The following PHOX2B variants were observed in gnomAD, a reference collection of about 807,000 sequenced individuals.
PHOX2B encodes the protein paired mesoderm homeobox protein 2B.
Under a neutral mutation model 15.5 loss-of-function variants are expected in PHOX2B, and 1 was observed. The ratio of observed to expected loss-of-function variants is 0.06; its 90% CI spans 0.02 to 0.31. The LOEUF is 0.31. Ranked by LOEUF, PHOX2B falls within the 10% of genes least tolerant of loss-of-function variation. The pLI is 1.00. For synonymous variants in PHOX2B, 206 were observed against 190.5 expected (o/e 1.08, Z -0.67); for missense variants, 314 against 436.4 (o/e 0.72, Z 2.50).
At position 41,744,381 on chromosome 4, in the gene PHOX2B, A is replaced by ACACG. The variant is rs1733820063; in HGVS notation, c.*1422_*1425dup. On this transcript the variant is annotated 3_prime_UTR_variant, in exon 3 of 3. Coordinates refer to ENST00000226382, the MANE Select transcript of PHOX2B (RefSeq NM_003924.4). ...GTGAGAACCTTATTACACCATAAAGACACGCCATAGAGACTACAAGAAGAG... is the reference window on the plus strand; with the variant it reads ...GTGAGAACCTTATTACACCATAAAGACACGCACGCCATAGAGACTACAAGAAGAG... The ACACG allele has an allele frequency of 4.3e-6, 1 of 230,572 alleles. No individual in the cohort carries two copies. The highest frequency in any genetic ancestry group is 1.8e-4 in the South Asian group (1 of 5,512). 14.3% of individuals were successfully genotyped at this position (230,572 alleles called of 1,614,324 possible).
chr4:41,747,100 G>T (rs893584390), intron 2 of PHOX2B, among the ~76,000 whole-genome samples: 1 of 152,130 alleles, frequency 6.6e-6, no homozygotes, highest in Non-Finnish European at 1.5e-5. Context: ...GCTCATCCAC[G>T]TCCCAAGGCC....
chr4:41,747,677 T>G (rs141487205), intron 1 of PHOX2B, 141 bp from the exon 2 acceptor site: 1 of 754,864 alleles, frequency 1.3e-6, no homozygotes, highest in East Asian at 2.6e-5. Context: ...CGAGAGAAGC[T>G]GCGGGAAGAA....
chr4:41,747,826 C>T (rs1469238302), intron 1 of PHOX2B: 1 of 605,764 alleles, frequency 1.7e-6, no homozygotes, highest in Non-Finnish European at 3.1e-6. Context: ...CAGGAAAAAA[C>T]CAGAGAGGAA....
At chr4:41,747,581 A>C in intron 1 of PHOX2B, 45 bp from the exon 2 acceptor site, 1 of 1,529,864 alleles carries the variant, frequency 6.5e-7, no homozygotes. Flanking sequence ...ATCAGCCGGC[A>C]GCTCGCCGGC....
Position 41,745,989 on chromosome 4 carries a change from CT to C in PHOX2B, c.762del (p.Ala255ArgfsTer54). ...AAAAAAAAAA[A>X]AAAAAAGGLA... is the part of the protein sequence containing the mutation. Reference sequence around the variant, plus strand: ...AGGCCTCCAGCTGCCGCCGCTGCCGCTGCCGCCGCCGCCGCTGCCGCGGCCG... The same window carrying C: ...AGGCCTCCAGCTGCCGCCGCTGCCGCGCCGCCGCCGCCGCTGCCGCGGCCG... On this transcript the variant is annotated frameshift_variant, in exon 3 of 3. Coordinates refer to ENST00000226382, the MANE Select transcript of PHOX2B (RefSeq NM_003924.4). LOFTEE classifies it high-confidence loss of function. This position sits in a 1 kb window ranked among gnomAD's most constrained non-coding sequence, Gnocchi z 4.0. The C allele has an allele frequency of 8.1e-7, 1 of 1,238,220 alleles. No homozygotes were observed. The highest frequency in any genetic ancestry group is 1.0e-6 in the Non-Finnish European group (1 of 991,878). The allele number at this position is 1,238,220 out of a possible 1,614,324, so 76.7% of individuals were successfully genotyped here. A position where few individuals can be genotyped will look rare whatever the true frequency, so the allele number is the denominator to read the frequency against.
In PHOX2B at chr4:41,745,640, C is replaced by A. The variant is rs1047417474; in HGVS notation, c.*167G>T. On this transcript the variant is annotated 3_prime_UTR_variant, in exon 3 of 3. Transcript: ENST00000226382. The surrounding 1 kb of genome is among the most constrained non-coding windows in gnomAD (Gnocchi z 4.0). ...GGTAGGAGTGGGGTTGAAATGAGGG[C>A]GACGCCGTTTTCCCTTTATTCTTAG... The A allele has an allele frequency of 5.0e-6, 4 of 806,866 alleles. No individual in the cohort carries two copies. In the South Asian group the frequency reaches 5.8e-5, roughly 12 times the overall value. The allele number at this position is 806,866 out of a possible 1,614,324, so 50.0% of individuals were successfully genotyped here. A position where few individuals can be genotyped will look rare whatever the true frequency, so the allele number is the denominator to read the frequency against.
Position 41,745,753 on chromosome 4 carries a change from C to T in PHOX2B, c.*54G>A, listed in dbSNP as rs578163582. The T allele has an allele frequency of 7.0e-6, 11 of 1,567,846 alleles. No homozygotes were observed. The highest frequency in any genetic ancestry group is 4.7e-5 in the East Asian group (2 of 43,008). On this transcript the variant is annotated 3_prime_UTR_variant, in exon 3 of 3. Transcript: ENST00000226382. The surrounding 1 kb of genome is among the most constrained non-coding windows in gnomAD (Gnocchi z 4.0). ...CTACCCGCTCGCCCACTCGCCCGCC[C>T]GGGCCCTGGCTCGCCCGCTGTCGCC...
intron 2 of PHOX2B, among the ~76,000 whole-genome samples, chr4:41,747,116 T>G (rs1329009760): frequency 6.6e-6 from 1 of 152,166 alleles, no homozygotes; most frequent in Non-Finnish European, 1.5e-5. Context: ...AGGCCCCCCA[T>G]GTCTCTGCTC....
In PHOX2B at chr4:41,744,619, A is replaced by G. The variant is rs1458453870; in HGVS notation, c.*1188T>C. On this transcript the variant is annotated 3_prime_UTR_variant, in exon 3 of 3. Coordinates refer to ENST00000226382, the MANE Select transcript of PHOX2B (RefSeq NM_003924.4). ...GCGCGAAGAATGGAACCCTCAATAT[A>G]CAGTCCATCCACCATACAGGATGTG... is the stretch of plus-strand genomic sequence containing the variant. The G allele has an allele frequency of 1.3e-5, 3 of 233,498 alleles. No individual in the cohort carries two copies. Among genetic ancestry groups the G allele is most frequent in the African/African-American group, 2.2e-5 (1 of 45,344 alleles). The allele number at this position is 233,498 out of a possible 1,614,324, so 14.5% of individuals were successfully genotyped here.
chr4:41,747,311 A>C (rs375957944), intron 2 of PHOX2B, 38 bp downstream of exon 2: 2 of 1,553,734 alleles, frequency 1.3e-6, no homozygotes, highest in South Asian at 2.2e-5. Flanking sequence ...TCCCCGGACC[A>C]GTGCGGCGGA....
In PHOX2B at chr4:41,747,310, C is replaced by T. The variant is rs772048230; in HGVS notation, c.429+39G>A. The T allele has an allele frequency of 3.1e-5, 48 of 1,556,512 alleles. No individual in the cohort carries two copies. In the Admixed American group the frequency reaches 8.0e-4, roughly 26 times the overall value. ...CCCCTCACCCCACACCTCCCCGGAC[C>T]AGTGCGGCGGAGCGGGGTCGGTTTC... On this transcript the variant is annotated intron_variant, in intron 2 of 2. Transcript: ENST00000226382.
chr4:41,746,028 C>A lies in PHOX2B; in HGVS notation c.724G>T (p.Ala242Ser). Residue 242 changes from alanine to serine, a missense_variant, in exon 3 of 3, where the codon GCA becomes TCA. Physicochemically the swap from Ala to Ser is moderately conservative, Grantham distance 99. This residue lies in a region of PHOX2B where 157 missense variants were observed against 169.0 expected (regional missense o/e 0.93). Transcript: ENST00000226382. ...PGGEPGKGGA[A>S]AAAAAAAAAA... is the part of the protein sequence containing the mutation. ...GCTGCCGCGGCCGCCGCCGCTGCTG[C>A]TGCGCCGCCCTTGCCGGGTTCGCCT... The A allele has an allele frequency of 1.7e-6, 2 of 1,184,864 alleles. No individual in the cohort carries two copies. Among genetic ancestry groups the A allele is most frequent in the Non-Finnish European group, 2.1e-6 (2 of 961,644 alleles). 73.4% of individuals were successfully genotyped at this position (1,184,864 alleles called of 1,614,324 possible). A position where few individuals can be genotyped will look rare whatever the true frequency, so the allele number is the denominator to read the frequency against.
Position 41,747,425 on chromosome 4 carries a change from G to C in PHOX2B, c.353C>G (p.Ala118Gly). 1 of 1,554,430 alleles carries C rather than the reference G, an allele frequency of 6.4e-7. No individual in the cohort carries two copies. Among genetic ancestry groups the C allele is most frequent in the Non-Finnish European group, 8.7e-7 (1 of 1,153,638 alleles). The change falls in exon 2 of 3, where the codon GCG becomes GGG. Residue 118 changes from alanine (A) to glycine (G), a missense_variant. Transcript: ENST00000226382. Reference protein sequence around the residue: ...AQLKELERVFAETHYPDIYTR... With the variant: ...AQLKELERVFGETHYPDIYTR... Reference sequence around the variant, plus strand: ...GTAGATGTCGGGGTAGTGAGTCTCCGCGAAGACCCTTTCCAGCTCTTTGAG... The same window carrying C: ...GTAGATGTCGGGGTAGTGAGTCTCCCCGAAGACCCTTTCCAGCTCTTTGAG...
chr4:41,746,569 A>G (rs980527679), intron 2 of PHOX2B, among the ~76,000 whole-genome samples: 2 of 152,166 alleles, frequency 1.3e-5, no homozygotes, highest in African/African-American at 4.8e-5. Flanking sequence ...GCAGAGTTTA[A>G]AAAGCCGCAG....
chr4:41,746,272 C>T lies in PHOX2B; in HGVS notation c.480G>A (p.Ala160=), dbSNP rs752437432. Residue 160 remains alanine (A), a synonymous_variant, in exon 3 of 3, where the codon GCG becomes GCA. Coordinates refer to ENST00000226382, the MANE Select transcript of PHOX2B (RefSeq NM_003924.4). ...RAKFRKQERA[A]AAAAAAAKNG... ...TCTTGGCCGCGGCCGCTGCGGCTGC[C>T]GCTGCGCGCTCCTGCTTGCGAAACT... 6.2e-7 allele frequency: 1 copy of T among 1,613,886 alleles called. No homozygotes were observed. Among genetic ancestry groups the T allele is most frequent in the Non-Finnish European group, 8.5e-7 (1 of 1,179,916 alleles).
chr4:41,747,797 C>T (rs2153112985), intron 1 of PHOX2B: 1 of 663,514 alleles, frequency 1.5e-6, no homozygotes, highest in South Asian at 1.5e-5. Context: ...ATGTGACGGA[C>T]TTGAGATAGT....
At chr4:41,746,418 G>T in intron 2 of PHOX2B, 96 bp from the exon 3 acceptor site, 4 of 1,297,502 alleles carry the variant, frequency 3.1e-6, no homozygotes, top group Non-Finnish European at 4.3e-6. Flanking sequence ...TTCTACTTCG[G>T]CTTGTTTTAA....
At position 41,746,008 on chromosome 4, in the gene PHOX2B, C is replaced by A; in HGVS notation, c.744G>T (p.Ala248=). ...KGGAAAAAAA[A]AAAAAAAAAA... is the part of the protein sequence containing the mutation. ...CTGCCGCTGCCGCCGCCGCCGCTGC[C>A]GCGGCCGCCGCCGCTGCTGCTGCGC... is the stretch of plus-strand genomic sequence containing the variant. Residue 248 remains alanine (A), a synonymous_variant, in exon 3 of 3, where the codon GCG becomes GCT. Transcript: ENST00000226382. 8.9e-7 allele frequency: 1 copy of A among 1,120,978 alleles called. No individual in the cohort carries two copies. The highest frequency in any genetic ancestry group is 1.1e-6 in the Non-Finnish European group (1 of 917,098). The allele number at this position is 1,120,978 out of a possible 1,614,324, so 69.4% of individuals were successfully genotyped here.
In PHOX2B at chr4:41,748,420, G is replaced by A; in HGVS notation, c.191C>T (p.Ser64Phe). The A allele has an allele frequency of 6.2e-7, 1 of 1,614,116 alleles. No homozygotes were observed. The highest frequency in any genetic ancestry group is 8.5e-7 in the Non-Finnish European group (1 of 1,179,952). The change falls in exon 1 of 3, where the codon TCC becomes TTC. Residue 64 changes from serine (S) to phenylalanine (F), a missense_variant. By Grantham distance (155) the Ser-to-Phe change is radical. Coordinates refer to ENST00000226382, the MANE Select transcript of PHOX2B (RefSeq NM_003924.4). The stretch of plus-strand genomic sequence containing the variant: ...GTCCCTGAGGGTGCCCAGGCTGCAG[G>A]ATCCCGGCGTGAGGGAAGGGCAGCC... ...TSGCPSLTPG[S>F]CSLGTLRDHQ...
Sources: gnomAD v4.1 joint callset for allele counts (sites outside exome capture counted in the v4.1 genomes callset) on GRCh38, gnomAD v4.1.1 for gene constraint, gnomAD v4.1.1 regional missense constraint, Gnocchi (gnomAD v3.1) non-coding constraint, MANE v1.5 for transcripts, NCBI Gene and HGNC (gene_info 2026-07-23, HGNC 2026-07-21) for gene names.